ITGA8: variants seen among roughly 807,000 people sequenced by gnomAD.
ITGA8 encodes the protein integrin alpha-8.
A neutral mutation model predicts 142.3 loss-of-function variants in ITGA8; 91 were observed. The observed-to-expected ratio is 0.64, with a 90% CI of 0.54 to 0.76. The LOEUF is 0.76. ITGA8 is among the 30% of genes least tolerant of loss of function. ITGA8 has a pLI of 0.00. For missense variants in ITGA8, 1,406 were observed against 1,327.7 expected, an observed-to-expected ratio of 1.06 and a Z score of -0.92; for synonymous variants, 505 against 485.2, an observed-to-expected ratio of 1.04 and a Z score of -0.54.
intron 6 of ITGA8, among the ~76,000 whole-genome samples, 185 bp from the exon 7 acceptor site, chr10:15,672,934 A>G (rs899664375): frequency 2.0e-5 from 3 of 152,200 alleles, no homozygotes; most frequent in African/African-American, 7.2e-5. Context: ...CCATTCTGAC[A>G]GAAGACCTGA....
Position 15,616,502 on chromosome 10 carries a change from C to A in ITGA8, c.1445+12G>T, listed in dbSNP as rs772683212. 5.6e-6 allele frequency: 9 copies of A among 1,598,102 alleles called. No individual in the cohort carries two copies. In the East Asian group the frequency reaches 2.0e-4, roughly 36 times the overall value. ...CAATGAGAAAAACATTTGAATACTACCAACCACATACCTGTAAACAGCGAC... is the reference window on the plus strand; with the variant it reads ...CAATGAGAAAAACATTTGAATACTAACAACCACATACCTGTAAACAGCGAC... On this transcript the variant is annotated intron_variant, in intron 14 of 29. Coordinates refer to ENST00000378076, the MANE Select transcript of ITGA8 (RefSeq NM_003638.3).
At chr10:15,706,138 G>T (rs1203556466) in intron 2 of ITGA8, among the ~76,000 whole-genome samples, 1 of 152,064 alleles carries the variant, frequency 6.6e-6, no homozygotes, top group Non-Finnish European at 1.5e-5. Flanking sequence ...CACATATCTG[G>T]ACTCAACCCT....
At chr10:15,604,405 C>T (rs747415700) in intron 19 of ITGA8, 50 bp from the exon 20 acceptor site, 28 of 1,445,008 alleles carry the variant, frequency 1.9e-5, no homozygotes, top group African/African-American at 5.7e-5. Context: ...TTCTTGGCTT[C>T]GTGAATATTT....
chr10:15,643,961 G>A (rs758055731), intron 13 of ITGA8, 69 bp downstream of exon 13: 1 of 1,396,446 alleles, frequency 7.2e-7, no homozygotes, highest in Admixed American at 2.1e-5. Flanking sequence ...TTTGCATGAT[G>A]CATTTTTCAG....
rs1428674260 is a variant in ITGA8, at chr10:15,607,787, C to T, written c.1654G>A (p.Ala552Thr). 21 of 1,611,744 alleles carry T rather than the reference C, an allele frequency of 1.3e-5. No homozygotes were observed. The highest frequency in any genetic ancestry group is 1.6e-5 in the Non-Finnish European group (19 of 1,178,816). Residue 552 changes from alanine (A) to threonine (T), a missense_variant, in exon 17 of 30, where the codon GCT (alanine) becomes ACT (threonine). Transcript: ENST00000378076. ...VQLDSLKQKGAIKRTLFLDNH... is the reference protein window; with the variant it reads ...VQLDSLKQKGTIKRTLFLDNH... ...TCAAGGAAGAGCGTCCGTTTAATAG[C>T]TCCTTTCTGTTTCAGGGAATCTAAT...
chr10:15,649,856 G>A (rs941800710), intron 11 of ITGA8, among the ~76,000 whole-genome samples: 2 of 152,136 alleles, frequency 1.3e-5, no homozygotes, highest in African/African-American at 4.8e-5. Flanking sequence ...AATACAAAAT[G>A]ATACAGCCAT....
chr10:15,682,116 A>G (rs1054918389), intron 4 of ITGA8, among the ~76,000 whole-genome samples: 2 of 152,140 alleles, frequency 1.3e-5, no homozygotes, highest in African/African-American at 4.8e-5. Context: ...CGTCTTGTCT[A>G]AAATGCTGCT....
chr10:15,708,722 C>G (rs951362057), intron 2 of ITGA8, among the ~76,000 whole-genome samples: 1 of 152,158 alleles, frequency 6.6e-6, no homozygotes, highest in African/African-American at 2.4e-5. Context: ...AACAAATTGG[C>G]ACAGCAAACC....
intron 21 of ITGA8, among the ~76,000 whole-genome samples, chr10:15,592,526 T>C (rs1832944682): frequency 6.6e-6 from 1 of 152,242 alleles, no homozygotes; most frequent in Middle Eastern, 3.2e-3. Context: ...TTTAGTCCTA[T>C]ACTGCCTCTT....
Position 15,616,525 on chromosome 10 carries a change from G to A in ITGA8, c.1434C>T (p.Val478=), listed in dbSNP as rs1246734630. The A allele has an allele frequency of 8.1e-6, 13 of 1,610,868 alleles. No individual in the cohort carries two copies. The highest frequency in any genetic ancestry group is 5.5e-5 in the South Asian group (5 of 91,038). ...TACCAACCACATACCTGTAAACAGCGACTTTTCCTGTTCCAAATGCACCCA... is the reference window on the plus strand; with the variant it reads ...TACCAACCACATACCTGTAAACAGCAACTTTTCCTGTTCCAAATGCACCCA... ...LIVGAFGTGK[V]AVYRARPVVT... is the part of the protein sequence containing the mutation. Residue 478 remains valine, a synonymous_variant, in exon 14 of 30, where the codon GTC becomes GTT. Coordinates refer to ENST00000378076, the MANE Select transcript of ITGA8 (RefSeq NM_003638.3).
intron 20 of ITGA8, among the ~76,000 whole-genome samples, chr10:15,603,889 AAGACAGGGAGTT>A (rs781492413): frequency 2.6e-5 from 4 of 152,182 alleles, no homozygotes; most frequent in African/African-American, 7.2e-5. Flanking sequence ...AAAGTCAGTG[AAGACAGGGAGTT>A]AGCTTGGGAG....
At position 15,514,427 on chromosome 10, in the gene ITGA8, T is replaced by C. The variant is rs1451155493; in HGVS notation, c.*2731A>G. On this transcript the variant is annotated 3_prime_UTR_variant, in exon 30 of 30. Coordinates refer to ENST00000378076, the MANE Select transcript of ITGA8 (RefSeq NM_003638.3). The stretch of plus-strand genomic sequence containing the variant: ...TATTTATTTTTTTGTTGAGACAGAG[T>C]TTCCCTCTGTCGCCCAGGCTGGAGT... 6.6e-6 allele frequency: 1 copy of C among 151,818 alleles called. No homozygotes were observed. Among genetic ancestry groups the C allele is most frequent in the Non-Finnish European group, 1.5e-5 (1 of 67,988 alleles). 9.4% of individuals were successfully genotyped at this position (151,818 alleles called of 1,614,324 possible).
intron 2 of ITGA8, among the ~76,000 whole-genome samples, chr10:15,715,199 A>G (rs1835428698): frequency 6.6e-6 from 1 of 152,110 alleles, no homozygotes; most frequent in African/African-American, 2.4e-5. Flanking sequence ...GAGTCTGAGC[A>G]AACCAGGGGC....
intron 13 of ITGA8, among the ~76,000 whole-genome samples, chr10:15,622,472 G>C (rs1833506994): frequency 6.6e-6 from 1 of 151,946 alleles, no homozygotes; most frequent in African/African-American, 2.4e-5. Context: ...TCTTATAGTT[G>C]TATAAAAACA....
chr10:15,664,831 A>G (rs1051195940), intron 8 of ITGA8, among the ~76,000 whole-genome samples: 5 of 151,934 alleles, frequency 3.3e-5, no homozygotes, highest in Admixed American at 2.6e-4. Flanking sequence ...CCATGTCCCT[A>G]CAAAGGACAT....
intron 4 of ITGA8, among the ~76,000 whole-genome samples, 168 bp from the exon 5 acceptor site, chr10:15,678,951 A>G (rs1245627133): frequency 6.6e-6 from 1 of 152,212 alleles, no homozygotes; most frequent in African/African-American, 2.4e-5. Context: ...TTTATTAAAC[A>G]TATTTCTGTC....
intron 12 of ITGA8, among the ~76,000 whole-genome samples, chr10:15,645,380 A>G (rs1178263806): frequency 1.3e-5 from 2 of 152,180 alleles, no homozygotes; most frequent in African/African-American, 2.4e-5. Context: ...GTTTGAGAGA[A>G]AAGACAAATA....
At chr10:15,548,225 G>A (rs1833716243) in intron 27 of ITGA8, among the ~76,000 whole-genome samples, 1 of 151,670 alleles carries the variant, frequency 6.6e-6, no homozygotes, top group Non-Finnish European at 1.5e-5. Context: ...CCAAGTAGCT[G>A]GGACCACTGG....
intron 11 of ITGA8, among the ~76,000 whole-genome samples, chr10:15,651,249 A>C (rs1038284846): frequency 6.6e-6 from 1 of 152,316 alleles, no homozygotes; most frequent in East Asian, 1.9e-4. Context: ...TACCATCTCC[A>C]TTTGTTGTTA....
Sources: allele counts gnomAD v4.1 joint callset (sites outside exome capture counted in the v4.1 genomes callset), GRCh38; gene constraint gnomAD v4.1.1; transcripts MANE v1.5; gene names NCBI Gene and HGNC (gene_info 2026-07-23, HGNC 2026-07-21).